Variants in UBE2K observed in about 807,000 individuals in gnomAD.
UBE2K encodes ubiquitin-conjugating enzyme E2 K.
A neutral mutation model predicts 30.0 loss-of-function variants in UBE2K; 6 were observed. The observed-to-expected ratio is 0.20, with a 90% confidence interval of 0.11 to 0.39. UBE2K has a LOEUF of 0.39. Ranked by LOEUF, UBE2K falls within the 10% of genes least tolerant of loss-of-function variation. The probability of loss-of-function intolerance (pLI) is 1.00; values close to 1 mark genes in which losing one functional copy is unlikely to be tolerated. For synonymous variants in UBE2K, 86 were observed against 83.7 expected (o/e 1.03, Z -0.15); for missense variants, 61 against 241.6 (o/e 0.25, Z 4.96).
intron 1 of UBE2K, among the ~76,000 whole-genome samples, chr4:39,701,429 A>G (rs979761482): frequency 1.3e-5 from 2 of 152,150 alleles, no homozygotes; most frequent in African/African-American, 2.4e-5. Flanking sequence ...TGTTCTTAGT[A>G]TCATTTGTTT....
At chr4:39,750,109 G>A (rs1721179108) in intron 3 of UBE2K, among the ~76,000 whole-genome samples, 1 of 152,050 alleles carries the variant, frequency 6.6e-6, no homozygotes, top group Non-Finnish European at 1.5e-5. Context: ...CAGGAGAATC[G>A]CTTGAACCCA....
rs1168820129 is a variant in UBE2K, at chr4:39,714,548, A to ATTTTTTTTTTTTT, written c.63+16159_63+16160insTTTTTTTTTTTTT. 151 of 24,660 alleles carry ATTTTTTTTTTTTT rather than the reference A, an allele frequency of 6.1e-3. 7 individuals carry two copies. Among genetic ancestry groups the ATTTTTTTTTTTTT allele is most frequent in the Admixed American group, 8.6e-3 (9 of 1,050 alleles). 1.5% of individuals were successfully genotyped at this position (24,660 alleles called of 1,614,324 possible). On this transcript the variant is annotated intron_variant, in intron 1 of 6. Coordinates refer to ENST00000261427, the MANE Select transcript of UBE2K (RefSeq NM_005339.5). ...TATATATATATATATATATATATAT[A>ATTTTTTTTTTTTT]TATTTTTTTTTTTTTTTAAGACTGA...
intron 1 of UBE2K, among the ~76,000 whole-genome samples, chr4:39,730,509 C>T (rs1720011293): frequency 6.6e-6 from 1 of 152,000 alleles, no homozygotes; most frequent in South Asian, 2.1e-4. Context: ...GGTGGCTTAG[C>T]CTGTAATCCC....
chr4:39,711,795 T>C (rs1031273228), intron 1 of UBE2K, among the ~76,000 whole-genome samples: 5 of 151,728 alleles, frequency 3.3e-5, no homozygotes, highest in African/African-American at 1.2e-4. Flanking sequence ...CCCAGCACTT[T>C]AGGAGGCAAA....
chr4:39,702,594 A>G (rs1160126545), intron 1 of UBE2K, among the ~76,000 whole-genome samples: 3 of 152,120 alleles, frequency 2.0e-5, no homozygotes, highest in Non-Finnish European at 4.4e-5. Flanking sequence ...AATCTATGGC[A>G]TAAACAAATT....
rs545065018 is a variant in UBE2K, at chr4:39,760,713, C to T, written c.299+4974C>T. Among the ~76,000 whole-genome samples, 10 of 152,020 alleles carry T rather than the reference C, an allele frequency of 6.6e-5. No homozygotes were observed. The South Asian group carries it at 1.0e-3, about 16-fold the overall frequency. The stretch of plus-strand genomic sequence containing the variant: ...GAGATTGAGACCATCCTGGCTAACA[C>T]GGTGAAACCCCGTCTCTACTAAAAA... On this transcript the variant is annotated intron_variant, in intron 4 of 6. Coordinates refer to ENST00000261427, the MANE Select transcript of UBE2K (RefSeq NM_005339.5).
At chr4:39,774,751 T>C in intron 4 of UBE2K, 83 bp from the exon 5 acceptor site, 1 of 742,874 alleles carries the variant, frequency 1.3e-6, no homozygotes, top group Non-Finnish European at 1.9e-6. Context: ...AGCTCTACAA[T>C]TTTTTAATTT....
chr4:39,742,946 T>G (rs1338121723), intron 2 of UBE2K, among the ~76,000 whole-genome samples: 1 of 151,646 alleles, frequency 6.6e-6, no homozygotes, highest in African/African-American at 2.4e-5. Context: ...CTCAGGAGAC[T>G]GAGGCACAAG....
Position 39,780,217 on chromosome 4 carries a change from A to G in UBE2K, c.*1783A>G, listed in dbSNP as rs905307813. 1 of 152,134 alleles carries G rather than the reference A, an allele frequency of 6.6e-6. No individual in the cohort carries two copies. The highest frequency in any genetic ancestry group is 2.4e-5 in the African/African-American group (1 of 41,434). 9.4% of individuals were successfully genotyped at this position (152,134 alleles called of 1,614,324 possible). A position where few individuals can be genotyped will look rare whatever the true frequency, so the allele number is the denominator to read the frequency against. Reference sequence around the variant, plus strand: ...AACAAGATTTTTCTTTATTTATTTTAAATACCTGAAACCTCGTACTTTATA... The same window carrying G: ...AACAAGATTTTTCTTTATTTATTTTGAATACCTGAAACCTCGTACTTTATA... On this transcript the variant is annotated 3_prime_UTR_variant, in exon 7 of 7. Coordinates refer to ENST00000261427, the MANE Select transcript of UBE2K (RefSeq NM_005339.5).
intron 1 of UBE2K, among the ~76,000 whole-genome samples, chr4:39,736,122 G>A (rs1720365706): frequency 1.3e-5 from 2 of 151,948 alleles, no homozygotes; most frequent in South Asian, 4.1e-4. Flanking sequence ...CATAAGAGTA[G>A]ATATGTTGTG....
At chr4:39,760,611 A>G (rs1033915363) in intron 4 of UBE2K, among the ~76,000 whole-genome samples, 4 of 152,156 alleles carry the variant, frequency 2.6e-5, no homozygotes, top group Admixed American at 2.6e-4. Context: ...GATAAAAAAT[A>G]CGATAGCCCA....
intron 4 of UBE2K, among the ~76,000 whole-genome samples, chr4:39,758,670 C>T (rs1404132685): frequency 6.6e-6 from 1 of 151,222 alleles, no homozygotes; most frequent in African/African-American, 2.4e-5. Flanking sequence ...GGAGTGAGAC[C>T]CCATCTCAAA....
At chr4:39,716,735 C>T (rs71606191) in intron 1 of UBE2K, among the ~76,000 whole-genome samples, 3 of 152,106 alleles carry the variant, frequency 2.0e-5, no homozygotes, top group Non-Finnish European at 2.9e-5. Context: ...CGGTGGCTCA[C>T]GCCTGTAATC....
chr4:39,760,176 C>CAAAAAAAAAAAAAAAAAAAAAAAAAAAA (rs71194913), intron 4 of UBE2K, among the ~76,000 whole-genome samples: 1 of 77,184 alleles, frequency 1.3e-5, no homozygotes, highest in African/African-American at 6.1e-5. Context: ...GACTCTGTCA[C>CAAAAAAAAAAAAAAAAAAAAAAAAAAAA]AAAAAAAAAA....
At chr4:39,773,842 A>AC (rs1380221351) in intron 4 of UBE2K, among the ~76,000 whole-genome samples, 6 of 150,116 alleles carry the variant, frequency 4.0e-5, no homozygotes, top group South Asian at 2.1e-4. Flanking sequence ...AATAGCGTGA[A>AC]CCCGGGAGGC....
chr4:39,777,821 A>G lies in UBE2K; in HGVS notation c.528+11A>G. The G allele has an allele frequency of 1.4e-6, 2 of 1,423,770 alleles. No homozygotes were observed. The highest frequency in any genetic ancestry group is 1.8e-6 in the Non-Finnish European group (2 of 1,085,672). The allele number at this position is 1,423,770 out of a possible 1,614,324, so 88.2% of individuals were successfully genotyped here. On this transcript the variant is annotated intron_variant, in intron 6 of 6. Transcript: ENST00000261427. ...ATGGGCTTTGATAGGGTAAGTACAT[A>G]AGGGCATGTTGATTTTGATATATTG...
chr4:39,706,244 C>G (rs929025337), intron 1 of UBE2K, among the ~76,000 whole-genome samples: 38 of 152,020 alleles, frequency 2.5e-4, no homozygotes, highest in African/African-American at 9.2e-4. Flanking sequence ...TCTCGATCTC[C>G]TGACCTCGTG....
At chr4:39,760,759 G>A (rs975311926) in intron 4 of UBE2K, among the ~76,000 whole-genome samples, 7 of 151,966 alleles carry the variant, frequency 4.6e-5, no homozygotes, top group Admixed American at 2.6e-4. Flanking sequence ...TAGCTACAGC[G>A]AGACTCCGTC....
intron 4 of UBE2K, among the ~76,000 whole-genome samples, chr4:39,773,191 C>T (rs998825941): frequency 6.6e-5 from 10 of 151,654 alleles, no homozygotes; most frequent in Non-Finnish European, 8.8e-5. Context: ...AAAATATGGC[C>T]GGGCGCGGTG....
Sources: gnomAD v4.1 joint callset for allele counts (sites outside exome capture counted in the v4.1 genomes callset) on GRCh38, gnomAD v4.1.1 for gene constraint, MANE v1.5 for transcripts, NCBI Gene and HGNC (gene_info 2026-07-23, HGNC 2026-07-21) for gene names.